SHISA9: variants seen among roughly 807,000 people sequenced by gnomAD.
SHISA9 encodes the protein protein shisa-9.
A neutral mutation model predicts 38.0 loss-of-function variants in SHISA9; 13 were observed. The observed-to-expected ratio is 0.34, with a 90% CI of 0.22 to 0.54. The LOEUF is 0.54. Among genes scored for constraint, SHISA9 ranks in the 20% least tolerant of loss-of-function variants. The probability of loss-of-function intolerance (pLI) is 0.91; values close to 1 mark genes in which losing one functional copy is unlikely to be tolerated. For synonymous variants in SHISA9, 275 were observed against 242.0 expected (o/e 1.14, Z -1.27); for missense variants, 538 against 575.8 (o/e 0.93, Z 0.67).
intron 2 of SHISA9, among the ~76,000 whole-genome samples, chr16:13,081,415 C>T (rs780430909): frequency 2.6e-5 from 4 of 152,130 alleles, no homozygotes; most frequent in Non-Finnish European, 5.9e-5. Context: ...CCAGTCCTCA[C>T]GGCTACTGTG....
intron 2 of SHISA9, among the ~76,000 whole-genome samples, chr16:13,015,987 T>TTTCCTTC (rs369817168): frequency 8.1e-4 from 8 of 9,908 alleles, no homozygotes; most frequent in South Asian, 0.016. Context: ...TTCCCTTCCC[T>TTTCCTTC]TCTTTTCTTT....
At chr16:13,306,759 T>C in the SHISA9 span, among the ~76,000 whole-genome samples, 1 of 152,220 alleles carries the variant, frequency 6.6e-6, no homozygotes, top group Non-Finnish European at 1.5e-5. Flanking sequence ...CAAGATATTT[T>C]ATAACCTAGA....
the SHISA9 span, among the ~76,000 whole-genome samples, chr16:13,329,661 G>C: frequency 4.6e-5 from 7 of 152,238 alleles, no homozygotes; most frequent in Non-Finnish European, 7.3e-5. Flanking sequence ...TCTCCTCCAT[G>C]CTAGGAGAAT....
rs144942783 is a variant in SHISA9, at chr16:13,206,835, G to T, written c.847+3286G>T. Among the ~76,000 whole-genome samples, 82 of 152,290 alleles carry T rather than the reference G, an allele frequency of 5.4e-4. No individual in the cohort carries two copies. In the East Asian group the frequency reaches 0.015, roughly 28 times the overall value. ...CATATTGCCTGTTTGCACAGCATAT[G>T]CATCCTAACTGCATTCAAATATACT... On this transcript the variant is annotated intron_variant, in intron 3 of 4. Coordinates refer to ENST00000558583, the MANE Select transcript of SHISA9 (RefSeq NM_001145204.3).
At chr16:13,503,272 G>A in the SHISA9 span, among the ~76,000 whole-genome samples, 2 of 152,310 alleles carry the variant, frequency 1.3e-5, no homozygotes, top group African/African-American at 4.8e-5. Context: ...TATAGACAGT[G>A]CTCAGATCAT....
chr16:13,382,990 C>T, the SHISA9 span, among the ~76,000 whole-genome samples: 2 of 152,170 alleles, frequency 1.3e-5, no homozygotes, highest in Non-Finnish European at 2.9e-5. Context: ...TCAGCAGTCA[C>T]TAAGTGTTCG....
the SHISA9 span, among the ~76,000 whole-genome samples, chr16:13,261,049 G>A: frequency 6.6e-6 from 1 of 152,080 alleles, no homozygotes; most frequent in Non-Finnish European, 1.5e-5. Flanking sequence ...AATAGCAAGG[G>A]AAGAACTCGC....
intron 2 of SHISA9, among the ~76,000 whole-genome samples, chr16:13,042,299 A>G (rs890135014): frequency 1.3e-5 from 2 of 152,122 alleles, no homozygotes; most frequent in Admixed American, 6.6e-5. Flanking sequence ...GACTGAAACC[A>G]TGCTTGTGGC....
the SHISA9 span, among the ~76,000 whole-genome samples, chr16:13,298,337 T>C: frequency 1.3e-5 from 2 of 152,150 alleles, no homozygotes; most frequent in African/African-American, 4.8e-5. Context: ...TCTAATTTTC[T>C]ATTAATAATT....
the SHISA9 span, among the ~76,000 whole-genome samples, chr16:13,486,377 G>C: frequency 1.3e-5 from 2 of 152,188 alleles, no homozygotes; most frequent in Non-Finnish European, 2.9e-5. Context: ...CCACATTACT[G>C]TCTTGGCTTC....
chr16:13,052,665 G>A (rs533035222), intron 2 of SHISA9, among the ~76,000 whole-genome samples: 9 of 152,302 alleles, frequency 5.9e-5, no homozygotes, highest in African/African-American at 2.2e-4. Context: ...TTGCTGGGGA[G>A]TTGTTTCTAT....
the SHISA9 span, among the ~76,000 whole-genome samples, chr16:13,524,173 A>G: frequency 0.19 from 28,669 of 152,130 alleles, 3,265 homozygotes; most frequent in Admixed American, 0.27. Context: ...CTTAGCATCC[A>G]GGACATAGTT....
rs943430138 is a variant in SHISA9, at chr16:12,902,229, C to T, written c.165C>T (p.Ser55=). The change falls in exon 1 of 5, where the codon AGC becomes AGT. Residue 55 remains serine, a synonymous_variant. Transcript: ENST00000558583. Reference sequence around the variant, plus strand: ...CCGGGGCCGCCTCCGGAGAGGCCAGCGAGGGCGCTGAGGCATCGGACGCGC... The same window carrying T: ...CCGGGGCCGCCTCCGGAGAGGCCAGTGAGGGCGCTGAGGCATCGGACGCGC... The part of the protein sequence containing the change: ...NRSGAASGEA[S]EGAEASDAPP... 3.2e-6 allele frequency: 5 copies of T among 1,539,948 alleles called. No homozygotes were observed. In the African/African-American group the frequency reaches 4.1e-5, roughly 13 times the overall value.
intron 2 of SHISA9, among the ~76,000 whole-genome samples, chr16:12,931,522 A>G (rs1470104624): frequency 2.0e-5 from 3 of 152,168 alleles, no homozygotes; most frequent in African/African-American, 7.2e-5. Flanking sequence ...CCCACTTATA[A>G]GTGAGAACAT....
At chr16:13,006,051 G>A (rs1294444554) in intron 2 of SHISA9, among the ~76,000 whole-genome samples, 1 of 152,182 alleles carries the variant, frequency 6.6e-6, no homozygotes, top group Non-Finnish European at 1.5e-5. Context: ...GATGGGCAGT[G>A]AAGCATGCGC....
intron 2 of SHISA9, among the ~76,000 whole-genome samples, chr16:13,201,063 G>A (rs1200139221): frequency 1.5e-5 from 2 of 135,438 alleles, no homozygotes; most frequent in African/African-American, 2.9e-5. Context: ...GTGTAGGAAA[G>A]GTTAGGGAGC....
chr16:13,090,101 G>T (rs1343932087), intron 2 of SHISA9, among the ~76,000 whole-genome samples: 2 of 152,170 alleles, frequency 1.3e-5, no homozygotes, highest in Non-Finnish European at 2.9e-5. Flanking sequence ...TTTCCATGTA[G>T]TTGTGCAGTT....
the SHISA9 span, among the ~76,000 whole-genome samples, chr16:13,434,399 C>T: frequency 6.9e-6 from 1 of 144,914 alleles, no homozygotes; most frequent in South Asian, 2.4e-4. Context: ...TTAACCATCA[C>T]ACTGTGTTAG....
chr16:13,111,378 G>A (rs1182312652), intron 2 of SHISA9, among the ~76,000 whole-genome samples: 3 of 149,766 alleles, frequency 2.0e-5, no homozygotes. Flanking sequence ...CAAAAAAACA[G>A]CTTCCCTTAT....
Sources: gnomAD v4.1 joint callset for allele counts (sites outside exome capture counted in the v4.1 genomes callset) on GRCh38, gnomAD v4.1.1 for gene constraint, MANE v1.5 for transcripts, NCBI Gene and HGNC (gene_info 2026-07-23, HGNC 2026-07-21) for gene names.